The following SYNE2 variants were observed in gnomAD, a reference collection of about 807,000 sequenced individuals.
SYNE2 encodes the protein spectrin repeat containing nuclear envelope protein 2.
A neutral mutation model predicts 856.3 loss-of-function variants in SYNE2; 431 were observed. The observed-to-expected ratio is 0.50, with a 90% CI of 0.47 to 0.55. The LOEUF (loss-of-function observed/expected upper bound fraction) is 0.55. SYNE2 is among the 20% of genes least tolerant of loss of function. SYNE2 has a pLI of 0.00. For synonymous variants in SYNE2, 2,923 were observed against 2,872.3 expected (o/e 1.02, Z -0.56); for missense variants, 8,129 against 8,023.2 (o/e 1.01, Z -0.50).
At position 64,208,833 on chromosome 14, in the gene SYNE2, G is replaced by A. The variant is rs752253332; in HGVS notation, c.18277G>A (p.Asp6093Asn). Reference protein sequence around the residue: ...VFNICDVLLHDSDACANETEC... With the variant: ...VFNICDVLLHNSDACANETEC... Reference sequence around the variant, plus strand: ...TAACATCTGTGACGTCCTACTGCACGACTCCGATGCCTGTGCAAATGAGAC... The same window carrying A: ...TAACATCTGTGACGTCCTACTGCACAACTCCGATGCCTGTGCAAATGAGAC... The change falls in exon 101 of 116, where the codon GAC becomes AAC. Residue 6093 changes from aspartate to asparagine, a missense_variant. Physicochemically the swap from Asp to Asn is conservative, Grantham distance 23. This residue lies in a region of SYNE2 where 5,410 missense variants were observed against 5,284.8 expected (regional missense o/e 1.02). Transcript: ENST00000555002. 3.1e-6 allele frequency: 5 copies of A among 1,614,182 alleles called. No homozygotes were observed. The highest frequency in any genetic ancestry group is 2.5e-6 in the Non-Finnish European group (3 of 1,180,038).
intron 15 of SYNE2, 66 bp downstream of exon 15, chr14:63,980,798 G>C (rs1354554802): frequency 1.1e-5 from 14 of 1,255,846 alleles, no homozygotes; most frequent in Non-Finnish European, 1.5e-5. Flanking sequence ...TATCTGTTGT[G>C]CTTTCTATAT....
chr14:64,151,423 A>T (rs1380775852), intron 84 of SYNE2, among the ~76,000 whole-genome samples: 1 of 60,252 alleles, frequency 1.7e-5, no homozygotes, highest in Non-Finnish European at 3.3e-5. Flanking sequence ...AAGGATTTAA[A>T]AAAAAAAAAA....
intron 1 of SYNE2, among the ~76,000 whole-genome samples, chr14:63,787,861 G>A (rs570419546): frequency 6.6e-6 from 1 of 152,210 alleles, no homozygotes; most frequent in Non-Finnish European, 1.5e-5. Context: ...TGAAGGTGGG[G>A]TCTTACAGGG....
At position 64,214,257 on chromosome 14, in the gene SYNE2, C is replaced by A; in HGVS notation, c.19120C>A (p.Gln6374Lys). ...AGACATGGAAGACCCCAGAGAAATC[C>A]AGACTGATTCTTGGCGTAAACGGGG... Reference protein sequence around the residue: ...ETDMEDPREIQTDSWRKRGES... With the variant: ...ETDMEDPREIKTDSWRKRGES... Residue 6374 changes from glutamine to lysine, a missense_variant, in exon 106 of 116, where the codon CAG becomes AAG. Around this residue, in one of 3 missense-constraint regions of SYNE2, gnomAD observed 5,410 missense variants for 5,284.8 expected, o/e 1.02. Transcript: ENST00000555002. 6.2e-7 allele frequency: 1 copy of A among 1,614,024 alleles called. No homozygotes were observed. Among genetic ancestry groups the A allele is most frequent in the Non-Finnish European group, 8.5e-7 (1 of 1,180,018 alleles).
intron 1 of SYNE2, among the ~76,000 whole-genome samples, chr14:63,806,063 T>C (rs1353281143): frequency 6.6e-6 from 1 of 152,168 alleles, no homozygotes; most frequent in Non-Finnish European, 1.5e-5. Context: ...GTTCCAGTTC[T>C]CAAGGGGAAT....
chr14:64,032,917 C>T (rs544546072), intron 45 of SYNE2, among the ~76,000 whole-genome samples: 2 of 152,274 alleles, frequency 1.3e-5, no homozygotes, highest in Admixed American at 6.5e-5. Context: ...CCACTAATCT[C>T]GGCACTTTGT....
At chr14:64,131,073 G>T (rs182471931) in intron 76 of SYNE2, among the ~76,000 whole-genome samples, 8 of 152,166 alleles carry the variant, frequency 5.3e-5, no homozygotes, top group Admixed American at 2.6e-4. Flanking sequence ...TGTGTAGGAC[G>T]GTTCCTACCT....
chr14:64,064,447 C>T (rs1318420451), intron 50 of SYNE2, among the ~76,000 whole-genome samples: 1 of 150,596 alleles, frequency 6.6e-6, no homozygotes, highest in Non-Finnish European at 1.5e-5. Flanking sequence ...TTTTTTCCTT[C>T]TGGAATTTTT....
intron 49 of SYNE2, among the ~76,000 whole-genome samples, chr14:64,058,724 G>C (rs551602725): frequency 2.6e-5 from 4 of 152,006 alleles, no homozygotes; most frequent in African/African-American, 7.2e-5. Context: ...CAAGTAATCC[G>C]CCCTCCTCTG....
In SYNE2 at chr14:64,188,620, A is replaced by C. The variant is rs761930846; in HGVS notation, c.17783A>C (p.Glu5928Ala). The change falls in exon 98 of 116, where the codon GAG (glutamate) becomes GCG (alanine). Residue 5928 changes from glutamate to alanine, a missense_variant. Transcript: ENST00000555002. ...GTTGTATTCAATGAAAAAAATAAAG[A>C]GTTGTGTGCCTGGCTGGTGCAGATG... ...TWVVFNEKNK[E>A]LCAWLVQMEN... The C allele has an allele frequency of 1.2e-6, 2 of 1,614,210 alleles. No homozygotes were observed. The highest frequency in any genetic ancestry group is 2.2e-5 in the South Asian group (2 of 91,070).
intron 1 of SYNE2, among the ~76,000 whole-genome samples, chr14:63,822,885 C>G (rs918682999): frequency 1.3e-5 from 2 of 152,196 alleles, no homozygotes; most frequent in Admixed American, 6.5e-5. Context: ...AGAAGGATCA[C>G]TTGATGCCAG....
chr14:64,009,945 T>C (rs754036597), intron 31 of SYNE2, 21 bp from the exon 32 acceptor site: 42 of 1,607,402 alleles, frequency 2.6e-5, no homozygotes, highest in Non-Finnish European at 2.6e-6. Flanking sequence ...ATTTAGCTAT[T>C]GTATATTTTT....
At chr14:63,942,198 A>G in intron 6 of SYNE2, 55 bp downstream of exon 6, 1 of 1,061,662 alleles carries the variant, frequency 9.4e-7, no homozygotes, top group South Asian at 1.3e-5. Context: ...TATAAAATAA[A>G]TGTAATGCAA....
chr14:64,021,606 A>G (rs550610643), intron 36 of SYNE2, 91 bp downstream of exon 36: 13 of 1,509,862 alleles, frequency 8.6e-6, no homozygotes, highest in African/African-American at 5.6e-5. Flanking sequence ...AAAAATAGAA[A>G]AAAAAAGTCG....
In SYNE2 at chr14:64,026,665, G is replaced by A; in HGVS notation, c.6339G>A (p.Gln2113=). ...AGAGCAGCGAGGCCCCGCTGGTTCAGAAGACCCTCACTGACATCAGCAACC... is the reference window on the plus strand; with the variant it reads ...AGAGCAGCGAGGCCCCGCTGGTTCAAAAGACCCTCACTGACATCAGCAACC... ...QAESSEAPLV[Q]KTLTDISNQW... Residue 2113 remains glutamine (Q), a synonymous_variant, in exon 42 of 116, where the codon CAG becomes CAA. Coordinates refer to ENST00000555002, the MANE Select transcript of SYNE2 (RefSeq NM_182914.3). The A allele has an allele frequency of 6.2e-7, 1 of 1,613,174 alleles. No individual in the cohort carries two copies.
intron 1 of SYNE2, among the ~76,000 whole-genome samples, chr14:63,819,239 C>CT (rs200434047): frequency 0.024 from 3,688 of 150,852 alleles, 157 homozygotes; most frequent in African/African-American, 0.084. Context: ...CTTTTCTTTT[C>CT]TTTTTTTTTG....
At chr14:64,014,451 G>T (rs996186679) in intron 32 of SYNE2, among the ~76,000 whole-genome samples, 24 of 152,150 alleles carry the variant, frequency 1.6e-4, no homozygotes, top group African/African-American at 5.8e-4. Flanking sequence ...GTTTTTGATG[G>T]AGTCTTGCTC....
chr14:63,964,572 T>C (rs1435952701), intron 10 of SYNE2, among the ~76,000 whole-genome samples: 1 of 152,182 alleles, frequency 6.6e-6, no homozygotes, highest in Non-Finnish European at 1.5e-5. Flanking sequence ...TTGCCTAGTC[T>C]GGAGTGCAAT....
At chr14:63,974,835 C>CGT (rs35516224) in intron 11 of SYNE2, among the ~76,000 whole-genome samples, 5 of 113,092 alleles carry the variant, frequency 4.4e-5, no homozygotes, top group Admixed American at 1.0e-4. Flanking sequence ...TGTATATAGA[C>CGT]GTGTGTGTGT....
Sources: gnomAD v4.1 joint callset for allele counts (sites outside exome capture counted in the v4.1 genomes callset) on GRCh38, gnomAD v4.1.1 for gene constraint, gnomAD v4.1.1 regional missense constraint, MANE v1.5 for transcripts, NCBI Gene and HGNC (gene_info 2026-07-23, HGNC 2026-07-21) for gene names.